FGR: variants seen among roughly 807,000 people sequenced by gnomAD.
The protein encoded by FGR is FGR proto-oncogene, Src family tyrosine kinase.
FGR carries 26 observed loss-of-function variants against 63.2 expected under a neutral mutation model. That is an observed-to-expected ratio of 0.41 (90% confidence interval 0.30 to 0.57). The LOEUF is 0.57. Ranked by LOEUF, FGR falls within the 20% of genes least tolerant of loss-of-function variation. The probability of loss-of-function intolerance (pLI) is 0.27; values close to 1 mark genes in which losing one functional copy is unlikely to be tolerated. For missense variants in FGR, 511 were observed against 690.8 expected (o/e 0.74, Z 2.92); for synonymous variants, 286 against 277.7 (o/e 1.03, Z -0.30).
chr1:27,631,405 T>C (rs1487254310), intron 1 of FGR, among the ~76,000 whole-genome samples: 2 of 152,134 alleles, frequency 1.3e-5, no homozygotes, highest in African/African-American at 4.8e-5. Context: ...GCTATGCCAG[T>C]TCTTTGATGT....
At chr1:27,630,130 G>A (rs2090084246) in intron 1 of FGR, among the ~76,000 whole-genome samples, 1 of 152,254 alleles carries the variant, frequency 6.6e-6, no homozygotes, top group South Asian at 2.1e-4. Flanking sequence ...TTGGCTCACT[G>A]CAACCTCCGC....
intron 4 of FGR, among the ~76,000 whole-genome samples, chr1:27,622,788 G>A (rs2089954214): frequency 6.6e-6 from 1 of 152,244 alleles, no homozygotes; most frequent in Admixed American, 6.5e-5. Context: ...TTACAGGCAT[G>A]AGCCACTGCA....
rs2089759015 is a variant in FGR at position 27,614,417 on chromosome 1, T to C, written c.1249+13A>G. On this transcript the variant is annotated intron_variant, in intron 11 of 12. Transcript: ENST00000374005. Reference sequence around the variant, plus strand: ...CATGGGGAGCTCTTGGAAGGTGGGGTGAAGCAGGGCACCTTGGCAGGGGTT... The same window carrying C: ...CATGGGGAGCTCTTGGAAGGTGGGGCGAAGCAGGGCACCTTGGCAGGGGTT... The C allele has an allele frequency of 6.2e-7, 1 of 1,606,756 alleles. No homozygotes were observed. The highest frequency in any genetic ancestry group is 8.5e-7 in the Non-Finnish European group (1 of 1,175,328).
chr1:27,623,756 C>T lies in FGR; in HGVS notation c.161G>A (p.Ser54Asn), dbSNP rs370434747. 3 of 1,614,202 alleles carry T rather than the reference C, an allele frequency of 1.9e-6. No homozygotes were observed. The highest frequency in any genetic ancestry group is 2.5e-6 in the Non-Finnish European group (3 of 1,180,034). The stretch of plus-strand genomic sequence containing the variant: ...GTTGATGGCCTGAGAGGAGAAGTTG[C>T]TGTAGTTGGGGATGTGGGCAAATGA... ...ASSFAHIPNY[S>N]NFSSQAINPG... The change falls in exon 3 of 13, where the codon AGC becomes AAC. Residue 54 changes from serine to asparagine, a missense_variant. Physicochemically the swap from Ser to Asn is conservative, Grantham distance 46. Coordinates refer to ENST00000374005, the MANE Select transcript of FGR (RefSeq NM_005248.3).
chr1:27,614,884 A>C lies in FGR; in HGVS notation c.1061T>G (p.Leu354Trp). The stretch of plus-strand genomic sequence containing the variant: ...CATGTCCACCAATTGGGGCAGCCTC[A>C]AATCCTGGCCCTCTGGGTTCTTGAG... ...DFLKNPEGQD[L>W]RLPQLVDMAA... The change falls in exon 10 of 13, where the codon TTG (leucine) becomes TGG (tryptophan). Residue 354 changes from leucine to tryptophan, a missense_variant. By Grantham distance (61) the Leu-to-Trp change is moderately conservative. Transcript: ENST00000374005. 6.3e-7 allele frequency: 1 copy of C among 1,599,208 alleles called. No homozygotes were observed. Among genetic ancestry groups the C allele is most frequent in the South Asian group, 1.1e-5 (1 of 89,010 alleles).
chr1:27,633,544 G>A (rs915021064), intron 1 of FGR, among the ~76,000 whole-genome samples: 8 of 152,190 alleles, frequency 5.3e-5, no homozygotes, highest in Non-Finnish European at 1.2e-4. Flanking sequence ...TGAGAGCCGG[G>A]CAGTCTGGTC....
chr1:27,623,083 G>A lies in FGR; in HGVS notation c.288C>T (p.Leu96=), dbSNP rs1228761532. Residue 96 remains leucine (L), a synonymous_variant, in exon 4 of 13, where the codon CTC becomes CTT. Coordinates refer to ENST00000374005, the MANE Select transcript of FGR (RefSeq NM_005248.3). ...YDYEARTEDD[L]TFTKGEKFHI... ...GGAACTTCTCGCCCTTGGTGAAGGT[G>A]AGGTCATCCTCAGTTCGAGCCTCAT... The A allele has an allele frequency of 3.1e-6, 5 of 1,614,184 alleles. No homozygotes were observed. The highest frequency in any genetic ancestry group is 1.1e-5 in the South Asian group (1 of 91,082).
intron 1 of FGR, among the ~76,000 whole-genome samples, chr1:27,627,188 C>T (rs2090035108): frequency 6.6e-6 from 1 of 151,864 alleles, no homozygotes; most frequent in African/African-American, 2.4e-5. Flanking sequence ...AAAAAGAAAA[C>T]AGAAAAACCA....
chr1:27,633,950 A>G (rs2090141399), intron 1 of FGR, among the ~76,000 whole-genome samples: 1 of 152,124 alleles, frequency 6.6e-6, no homozygotes, highest in Admixed American at 6.5e-5. Flanking sequence ...AGGCCCAGAG[A>G]AGCCCTGTAA....
At position 27,617,406 on chromosome 1, in the gene FGR, G is replaced by C. The variant is rs2089835886; in HGVS notation, c.429-110C>G. On this transcript the variant is annotated intron_variant, in intron 5 of 12. Transcript: ENST00000374005. This position sits in a 1 kb window ranked among gnomAD's most constrained non-coding sequence, Gnocchi z 4.5. The stretch of plus-strand genomic sequence containing the variant: ...CTCCATTTTCCCCATGTGTAAAATG[G>C]GGCTGGTACACCTGCTTCACATCCT... The C allele has an allele frequency of 1.3e-6, 1 of 748,682 alleles. No homozygotes were observed. Among genetic ancestry groups the C allele is most frequent in the Non-Finnish European group, 2.3e-6 (1 of 430,548 alleles). The allele number at this position is 748,682 out of a possible 1,614,324, so 46.4% of individuals were successfully genotyped here.
intron 10 of FGR, 58 bp from the exon 11 acceptor site, chr1:27,614,641 T>C: frequency 1.3e-6 from 2 of 1,589,914 alleles, no homozygotes; most frequent in Non-Finnish European, 1.7e-6. Context: ...CACCGTGGCC[T>C]GTTTGAGGGG....
intron 1 of FGR, among the ~76,000 whole-genome samples, chr1:27,630,528 C>A (rs1457923013): frequency 6.6e-6 from 1 of 152,040 alleles, no homozygotes; most frequent in African/African-American, 2.4e-5. Flanking sequence ...GTGCCTCATG[C>A]TCTAAATCCT....
chr1:27,620,102 A>G (rs572919280), intron 5 of FGR, among the ~76,000 whole-genome samples: 2 of 152,282 alleles, frequency 1.3e-5, no homozygotes, highest in Non-Finnish European at 2.9e-5. Context: ...AGATCACTTG[A>G]GGTCAGGAGT....
chr1:27,616,705 C>A lies in FGR; in HGVS notation c.682+152G>T. 1 of 766,558 alleles carries A rather than the reference C, an allele frequency of 1.3e-6. No homozygotes were observed. The highest frequency in any genetic ancestry group is 2.1e-6 in the Non-Finnish European group (1 of 466,486). The allele number at this position is 766,558 out of a possible 1,614,324, so 47.5% of individuals were successfully genotyped here. On this transcript the variant is annotated intron_variant, in intron 7 of 12. Transcript: ENST00000374005. The surrounding 1 kb of genome is among the most constrained non-coding windows in gnomAD (Gnocchi z 4.3). Reference sequence around the variant, plus strand: ...TGCTTTCCTCCAGAAGCTCACAGAGCTGGATCCTGGGCTGGCAGACCCCAT... The same window carrying A: ...TGCTTTCCTCCAGAAGCTCACAGAGATGGATCCTGGGCTGGCAGACCCCAT...
intron 1 of FGR, among the ~76,000 whole-genome samples, chr1:27,628,402 C>T (rs1034826549): frequency 6.6e-6 from 1 of 151,940 alleles, no homozygotes; most frequent in Non-Finnish European, 1.5e-5. Flanking sequence ...AGAATCTGAG[C>T]TTTCAAGCAT....
Position 27,612,714 on chromosome 1 carries a change from G to T in FGR, c.*200C>A. ...AGAAATAGTGCTTGGGGCCAGAGCGGATGAGAGATCAGCTCTGGGCCTCCT... is the reference window on the plus strand; with the variant it reads ...AGAAATAGTGCTTGGGGCCAGAGCGTATGAGAGATCAGCTCTGGGCCTCCT... On this transcript the variant is annotated 3_prime_UTR_variant, in exon 13 of 13. Coordinates refer to ENST00000374005, the MANE Select transcript of FGR (RefSeq NM_005248.3). The T allele has an allele frequency of 3.4e-6, 2 of 585,594 alleles. No individual in the cohort carries two copies. Among genetic ancestry groups the T allele is most frequent in the Admixed American group, 6.0e-5 (2 of 33,198 alleles). 36.3% of individuals were successfully genotyped at this position (585,594 alleles called of 1,614,324 possible).
At chr1:27,627,447 AACACACACAC>A (rs3076985) in intron 1 of FGR, among the ~76,000 whole-genome samples, 2 of 148,392 alleles carry the variant, frequency 1.3e-5, no homozygotes, top group African/African-American at 5.0e-5. Flanking sequence ...CATGCACATG[AACACACACAC>A]ACACACACAC....
chr1:27,622,966 G>A, intron 4 of FGR, 76 bp downstream of exon 4: 2 of 1,025,204 alleles, frequency 2.0e-6, no homozygotes, highest in Non-Finnish European at 3.1e-6. Context: ...TCTGAGGCTA[G>A]GGACCAGGTG....
Position 27,617,308 on chromosome 1 carries a change from G to C in FGR, c.429-12C>G. ...TTCCAAAGTACCACCTGTTGGGAAA[G>C]GCAGGCAAGAGTCAGGTACGCTCTG... On this transcript the variant is annotated splice_polypyrimidine_tract_variant and intron_variant, in intron 5 of 12. Transcript: ENST00000374005. The surrounding 1 kb of genome is among the most constrained non-coding windows in gnomAD (Gnocchi z 4.5). 2 of 1,606,040 alleles carry C rather than the reference G, an allele frequency of 1.2e-6. No homozygotes were observed. The highest frequency in any genetic ancestry group is 2.7e-5 in the African/African-American group (2 of 74,924).
Sources: gnomAD v4.1 joint callset for allele counts (sites outside exome capture counted in the v4.1 genomes callset) on GRCh38, gnomAD v4.1.1 for gene constraint, Gnocchi (gnomAD v3.1) non-coding constraint, MANE v1.5 for transcripts, NCBI Gene and HGNC (gene_info 2026-07-23, HGNC 2026-07-21) for gene names.